Variants in GNG7 observed in about 807,000 individuals in gnomAD.
GNG7 encodes G protein subunit gamma 7, also known as guanine nucleotide-binding protein G(I)/G(S)/G(O) subunit gamma-7.
Under a neutral mutation model 4.0 loss-of-function variants are expected in GNG7, and 1 was observed. The ratio of observed to expected loss-of-function variants is 0.25; its 90% CI spans 0.09 to 1.18. The LOEUF (loss-of-function observed/expected upper bound fraction) is 1.18, where lower values mean the gene tolerates loss of function less well. GNG7 is among the 50% of genes most tolerant of loss of function. GNG7 has a pLI of 0.50. For synonymous variants in GNG7, 34 were observed against 36.9 expected (o/e 0.92, Z 0.29); for missense variants, 86 against 91.9 (o/e 0.94, Z 0.26).
chr19:2,537,944 GTGCA>G (rs1389067397), intron 3 of GNG7, among the ~76,000 whole-genome samples: 2 of 152,152 alleles, frequency 1.3e-5, no homozygotes, highest in Non-Finnish European at 2.9e-5. Flanking sequence ...GGATGTGGTG[GTGCA>G]TGCCTGTAGT....
At chr19:2,520,290 C>T (rs1045330557) in intron 4 of GNG7, among the ~76,000 whole-genome samples, 12 of 152,248 alleles carry the variant, frequency 7.9e-5, no homozygotes, top group African/African-American at 2.9e-4. Flanking sequence ...TTGCATCTGT[C>T]ATTGCCAAGG....
At chr19:2,688,478 A>C (rs1913052613) in intron 1 of GNG7, among the ~76,000 whole-genome samples, 1 of 152,188 alleles carries the variant, frequency 6.6e-6, no homozygotes, top group Non-Finnish European at 1.5e-5. Flanking sequence ...AGAGAGCAAC[A>C]GGGCACCTCA....
chr19:2,587,591 G>C (rs1228036523), intron 2 of GNG7, among the ~76,000 whole-genome samples: 1 of 152,138 alleles, frequency 6.6e-6, no homozygotes, highest in Non-Finnish European at 1.5e-5. Flanking sequence ...CCACAAACGG[G>C]CTTCAAAGGG....
chr19:2,540,523 G>A (rs771674509), intron 3 of GNG7, among the ~76,000 whole-genome samples: 1 of 152,194 alleles, frequency 6.6e-6, no homozygotes, highest in Non-Finnish European at 1.5e-5. Flanking sequence ...GGGTGGGTGC[G>A]TGGGCCCCTG....
chr19:2,519,086 G>A (rs1046974285), intron 4 of GNG7, among the ~76,000 whole-genome samples: 5 of 150,444 alleles, frequency 3.3e-5, no homozygotes, highest in South Asian at 4.2e-4. Flanking sequence ...GTGAGTCACC[G>A]TGCCTGGCCA....
rs1364291185 is a variant in GNG7 at position 2,605,504 on chromosome 19, T to C, written c.-78+40720A>G. 3.4e-5 allele frequency among the ~76,000 whole-genome samples: 4 copies of C among 118,188 alleles called. 1 individual carries two copies. The highest frequency in any genetic ancestry group is 6.8e-5 in the Non-Finnish European group (4 of 58,646). The allele number at this position is 118,188 out of a possible 152,430, so 77.5% of individuals were successfully genotyped here. A position where few individuals can be genotyped will look rare whatever the true frequency, so the allele number is the denominator to read the frequency against. On this transcript the variant is annotated intron_variant, in intron 2 of 4. Transcript: ENST00000382159. ...GTGAGCCACCACACCTGGCCAAATC[T>C]CACTTTTTTTTTTTTTTTTTTTTTT...
intron 2 of GNG7, among the ~76,000 whole-genome samples, chr19:2,639,268 G>A (rs147243497): frequency 4.6e-5 from 7 of 151,860 alleles, no homozygotes; most frequent in African/African-American, 1.2e-4. Context: ...AAAACCCACC[G>A]TAAGCAAAGT....
intron 4 of GNG7, among the ~76,000 whole-genome samples, chr19:2,519,151 T>C (rs866935162): frequency 2.4e-4 from 33 of 137,374 alleles, no homozygotes; most frequent in African/African-American, 7.3e-4. Flanking sequence ...TGTTTCTTTT[T>C]TTTTTTTTTT....
At chr19:2,568,156 TACAC>T (rs1010827082) in intron 2 of GNG7, among the ~76,000 whole-genome samples, 14 of 141,520 alleles carry the variant, frequency 9.9e-5, no homozygotes, top group South Asian at 2.2e-4. Flanking sequence ...TGCACACACA[TACAC>T]ATACATACAC....
At chr19:2,606,568 T>C (rs534249809) in intron 2 of GNG7, among the ~76,000 whole-genome samples, 1 of 151,798 alleles carries the variant, frequency 6.6e-6, no homozygotes, top group South Asian at 2.1e-4. Flanking sequence ...GGCAGCAGAA[T>C]CGCTTGAACC....
rs896410855 is a variant in GNG7, at chr19:2,633,103, C to G, written c.-78+13121G>C. 6.6e-6 allele frequency among the ~76,000 whole-genome samples: 1 copy of G among 152,206 alleles called. No individual in the cohort carries two copies. The highest frequency in any genetic ancestry group is 1.5e-5 in the Non-Finnish European group (1 of 68,026). ...CACCGGGAGTGTCTGCGCAGAGATC[C>G]GAGGGTGTTAGCCTGGCAGGGGCCC... On this transcript the variant is annotated intron_variant, in intron 2 of 4. Coordinates refer to ENST00000382159, the MANE Select transcript of GNG7 (RefSeq NM_052847.3). The surrounding 1 kb of genome is among the most constrained non-coding windows in gnomAD (Gnocchi z 5.9).
rs528591410 is a variant in GNG7, at chr19:2,553,674, AAT to A, written c.-38+1473_-38+1474del. On this transcript the variant is annotated intron_variant, in intron 3 of 4. Coordinates refer to ENST00000382159, the MANE Select transcript of GNG7 (RefSeq NM_052847.3). ...TTACATACATGCACACGTTACATGT[AAT>A]ATGTTATATTACACACATGTGCACA... 1.6e-3 allele frequency among the ~76,000 whole-genome samples: 227 copies of A among 144,104 alleles called. 2 individuals are homozygous for A. Among genetic ancestry groups the A allele is most frequent in the African/African-American group, 4.7e-3 (178 of 38,142 alleles). The allele number at this position is 144,104 out of a possible 152,430, so 94.5% of individuals were successfully genotyped here.
In GNG7 at chr19:2,668,387, T is replaced by A. The variant is rs1396161616; in HGVS notation, c.-134-22107A>T. ...AAAGAAAGACGCTAAAAACGGGATA[T>A]GCAAATTGGCAGGGGAAATTTGCGC... is the stretch of plus-strand genomic sequence containing the variant. On this transcript the variant is annotated intron_variant, in intron 1 of 4. Coordinates refer to ENST00000382159, the MANE Select transcript of GNG7 (RefSeq NM_052847.3). Among the ~76,000 whole-genome samples the A allele has an allele frequency of 2.0e-5, 3 of 151,532 alleles. No individual in the cohort carries two copies. The East Asian group carries it at 5.8e-4, about 29-fold the overall frequency.
At position 2,626,861 on chromosome 19, in the gene GNG7, C is replaced by A. The variant is rs1031137724; in HGVS notation, c.-78+19363G>T. On this transcript the variant is annotated intron_variant, in intron 2 of 4. Transcript: ENST00000382159. The surrounding 1 kb of genome is among the most constrained non-coding windows in gnomAD (Gnocchi z 5.0). ...GCCAGGGATGCTGCTCAGCACCCTG[C>A]AGTGCCCAGGACGGCCTCACCCCAG... 1.4e-4 allele frequency among the ~76,000 whole-genome samples: 21 copies of A among 152,076 alleles called. No homozygotes were observed. The highest frequency in any genetic ancestry group is 5.1e-4 in the African/African-American group (21 of 41,486).
rs1981562951 is a variant in GNG7 at position 2,611,470 on chromosome 19, G to A, written c.-78+34754C>T. 6.6e-6 allele frequency: 1 copy of A among 152,210 alleles called. No individual in the cohort carries two copies. Among genetic ancestry groups the A allele is most frequent in the Non-Finnish European group, 1.5e-5 (1 of 68,060 alleles). The allele number at this position is 152,210 out of a possible 1,614,324, so 9.4% of individuals were successfully genotyped here. ...CAGGAGGGGGTCCCGTCCTGCGTGG[G>A]GCTTGAAGGCAGGTGGGCAAGACGG... On this transcript the variant is annotated intron_variant, in intron 2 of 4. Transcript: ENST00000382159. This position sits in a 1 kb window ranked among gnomAD's most constrained non-coding sequence, Gnocchi z 6.0.
chr19:2,580,214 G>C (rs1980461686), intron 2 of GNG7, among the ~76,000 whole-genome samples: 1 of 151,832 alleles, frequency 6.6e-6, no homozygotes, highest in Admixed American at 6.6e-5. Flanking sequence ...GGCCTGGCCT[G>C]CTCACCCCTT....
At chr19:2,593,938 A>AAAC (rs1980928581) in intron 2 of GNG7, among the ~76,000 whole-genome samples, 1 of 151,602 alleles carries the variant, frequency 6.6e-6, no homozygotes, top group East Asian at 1.9e-4. Context: ...CAAAAAAAAA[A>AAAC]AAAAACTTTC....
intron 2 of GNG7, among the ~76,000 whole-genome samples, chr19:2,570,635 G>C (rs146275292): frequency 6.6e-6 from 1 of 152,274 alleles, no homozygotes; most frequent in Non-Finnish European, 1.5e-5. Context: ...GAGCTTGAGA[G>C]AGACAGACAG....
intron 1 of GNG7, among the ~76,000 whole-genome samples, chr19:2,697,330 C>T (rs943604783): frequency 2.0e-5 from 3 of 152,122 alleles, no homozygotes; most frequent in Non-Finnish European, 4.4e-5. Flanking sequence ...ACCGCCCATC[C>T]GTGTCAGGAG....
Sources: allele counts gnomAD v4.1 joint callset (sites outside exome capture counted in the v4.1 genomes callset), GRCh38; gene constraint gnomAD v4.1.1; non-coding constraint Gnocchi (gnomAD v3.1); transcripts MANE v1.5; gene names NCBI Gene and HGNC (gene_info 2026-07-23, HGNC 2026-07-21).